Variants in LRWD1 observed in about 807,000 individuals in gnomAD.
The protein encoded by LRWD1 is leucine-rich repeat and WD repeat-containing protein 1.
A neutral mutation model predicts 75.6 loss-of-function variants in LRWD1; 76 were observed. That is an observed-to-expected ratio of 1.01 (90% CI 0.84 to 1.22). The LOEUF (loss-of-function observed/expected upper bound fraction) is 1.22. Ranked by LOEUF, LRWD1 falls within the 50% of genes most tolerant of loss-of-function variation. LRWD1 has a pLI of 0.00. For missense variants in LRWD1, 917 were observed against 862.0 expected, an observed-to-expected ratio of 1.06 and a Z score of -0.80; for synonymous variants, 487 against 377.0, an observed-to-expected ratio of 1.29 and a Z score of -3.38.
intron 2 of LRWD1, 34 bp downstream of exon 2, chr7:102,466,085 G>A (rs775766555): frequency 6.2e-7 from 1 of 1,613,038 alleles, no homozygotes. Flanking sequence ...TTCATACCTG[G>A]GGCCAGGACT....
chr7:102,473,146 T>TTAAACTCTACTGTGGACAAGAAGC, exon 15 of LRWD1: 2 of 1,355,008 alleles, frequency 1.5e-6, no homozygotes, highest in Non-Finnish European at 2.0e-6. Flanking sequence ...AATATTTTTA[T>TTAAACTCTACTGTGGACAAGAAGC]TAAACTCTAC....
chr7:102,470,240 G>A (rs1176256724), intron 11 of LRWD1: 14 of 206,620 alleles, frequency 6.8e-5, no homozygotes, highest in African/African-American at 1.6e-4. Context: ...GATGGCTAGC[G>A]GAGGGCAGGT....
rs752638562 is a variant in LRWD1 at position 102,468,030 on chromosome 7, A to G, written c.679-32A>G. ...TGGGGAGGAAGGAAGCCCCAGGCAGACAGGCCCATGGTCACAAGGCCCCCT... is the reference window on the plus strand; with the variant it reads ...TGGGGAGGAAGGAAGCCCCAGGCAGGCAGGCCCATGGTCACAAGGCCCCCT... On this transcript the variant is annotated intron_variant, in intron 5 of 14. Coordinates refer to ENST00000292616, the MANE Select transcript of LRWD1 (RefSeq NM_152892.3). The G allele has an allele frequency of 1.8e-5, 29 of 1,597,096 alleles. No individual in the cohort carries two copies. The South Asian group carries it at 3.2e-4, about 18-fold the overall frequency.
At chr7:102,467,112 T>G (rs1386126837) in intron 3 of LRWD1, among the ~76,000 whole-genome samples, 1 of 84,486 alleles carries the variant, frequency 1.2e-5, no homozygotes, top group Non-Finnish European at 2.6e-5. Context: ...CCTGGGTTGT[T>G]GCTGGGGTGT....
chr7:102,466,589 TG>T (rs919931099), intron 3 of LRWD1, among the ~76,000 whole-genome samples: 4 of 151,898 alleles, frequency 2.6e-5, no homozygotes, highest in Non-Finnish European at 5.9e-5. Context: ...TAATTTTTTT[TG>T]TATTTTTAGT....
intron 9 of LRWD1, among the ~76,000 whole-genome samples, 156 bp from the exon 10 acceptor site, chr7:102,469,418 G>C (rs1209891114): frequency 6.6e-6 from 1 of 152,206 alleles, no homozygotes; most frequent in African/African-American, 2.4e-5. Context: ...AACAGGGATT[G>C]GGGGCCCAGG....
rs1319059363 is a variant in LRWD1 at position 102,467,116 on chromosome 7, GGGGT to G, written c.433-221_433-218del. Among the ~76,000 whole-genome samples the G allele has an allele frequency of 7.5e-5, 5 of 66,372 alleles. No individual in the cohort carries two copies. In the East Asian group the frequency reaches 3.5e-3, roughly 46 times the overall value. 43.5% of individuals were successfully genotyped at this position (66,372 alleles called of 152,430 possible). A position where few individuals can be genotyped will look rare whatever the true frequency, so the allele number is the denominator to read the frequency against. ...GTGTGTAGGCACCTGGGTTGTTGCT[GGGGT>G]GTGTGTGTGTGTGTGTGTAGGCACC... On this transcript the variant is annotated intron_variant, in intron 3 of 14. Transcript: ENST00000292616.
In LRWD1 at chr7:102,472,199, A is replaced by G. The variant is rs751175695; in HGVS notation, c.1443-19A>G. On this transcript the variant is annotated intron_variant, in intron 11 of 14. Transcript: ENST00000292616. ...TATCTGCAAGGAATGGCCAACTAGC[A>G]TCTCGTGCTGCCCCACAGGGTGTGT... The G allele has an allele frequency of 1.3e-6, 2 of 1,574,664 alleles. No homozygotes were observed. Among genetic ancestry groups the G allele is most frequent in the Admixed American group, 3.7e-5 (2 of 54,610 alleles).
rs1159503607 is a variant in LRWD1, at chr7:102,467,756, G to A, written c.611G>A (p.Arg204Lys). The change falls in exon 5 of 15, where the codon AGG becomes AAG. Residue 204 changes from arginine (R) to lysine (K), a missense_variant. Physicochemically the swap from Arg to Lys is conservative, Grantham distance 26. Coordinates refer to ENST00000292616, the MANE Select transcript of LRWD1 (RefSeq NM_152892.3). ...TCTGAGGAGCTGGTGGCCGCCAGTA[G>A]GACCCAGGTGCAAAAGGCTAACAGC... is the stretch of plus-strand genomic sequence containing the variant. Reference protein sequence around the residue: ...MISEELVAASRTQVQKANSPE... With the variant: ...MISEELVAASKTQVQKANSPE... 1.9e-6 allele frequency: 3 copies of A among 1,551,868 alleles called. No individual in the cohort carries two copies. The African/African-American group carries it at 4.1e-5, about 21-fold the overall frequency.
chr7:102,472,422 C>T (rs1393552013), intron 12 of LRWD1, 32 bp from the exon 13 acceptor site: 2 of 1,542,856 alleles, frequency 1.3e-6, no homozygotes, highest in Non-Finnish European at 1.8e-6. Flanking sequence ...TGGGAGGGGC[C>T]ACCCTGCACA....
At chr7:102,469,193 A>C in intron 9 of LRWD1, 131 bp downstream of exon 9, 2 of 779,328 alleles carry the variant, frequency 2.6e-6, no homozygotes, top group South Asian at 1.9e-5. Flanking sequence ...CACCGCTCCG[A>C]CTCTAGCTTT....
intron 11 of LRWD1, chr7:102,471,928 C>T: frequency 2.5e-6 from 1 of 397,696 alleles, no homozygotes; most frequent in South Asian, 2.3e-5. Flanking sequence ...GTCCCAGAGG[C>T]ACTGGCTCGC....
In LRWD1 at chr7:102,472,617, T is replaced by C. The variant is rs1395772002; in HGVS notation, c.1690+8T>C. 3 of 1,609,206 alleles carry C rather than the reference T, an allele frequency of 1.9e-6. No homozygotes were observed. Among genetic ancestry groups the C allele is most frequent in the Middle Eastern group, 3.3e-4 (2 of 6,046 alleles). ...CGCTCAGCGCCTGCCCTGGTGAGCC[T>C]GCCCCCCTGCCCGCCCCATCCCGCG... On this transcript the variant is annotated splice_region_variant and intron_variant, in intron 13 of 14. Transcript: ENST00000292616.
chr7:102,465,680 A>T, intron 1 of LRWD1, 137 bp from the exon 2 acceptor site: 1 of 655,392 alleles, frequency 1.5e-6, no homozygotes, highest in Non-Finnish European at 2.7e-6. Context: ...TCTAAAAATA[A>T]AGTAACGGGG....
Position 102,465,826 on chromosome 7 carries a change from AT to A in LRWD1, c.92del (p.Leu31TrpfsTer16). ...GKIRSLDLSG[L>X]ELLSEHLDPK... Reference sequence around the variant, plus strand: ...CTGCCCCCAACTCCAGCCTGTCAGGATTGGAGCTGCTTTCCGAGCACCTGGA... The same window carrying A: ...CTGCCCCCAACTCCAGCCTGTCAGGATGGAGCTGCTTTCCGAGCACCTGGA... On this transcript the variant is annotated frameshift_variant, in exon 2 of 15. Coordinates refer to ENST00000292616, the MANE Select transcript of LRWD1 (RefSeq NM_152892.3). LOFTEE classifies it high-confidence loss of function. 1.9e-6 allele frequency: 3 copies of A among 1,612,340 alleles called. No homozygotes were observed. In the South Asian group the frequency reaches 3.3e-5, roughly 18 times the overall value.
Position 102,473,117 on chromosome 7 carries a change from G to GGT in LRWD1, c.*69_*70insTG. 1 of 150,618 alleles carries GGT rather than the reference G, an allele frequency of 6.6e-6. No homozygotes were observed. Among genetic ancestry groups the GGT allele is most frequent in the East Asian group, 8.4e-5 (1 of 11,934 alleles). The allele number at this position is 150,618 out of a possible 1,614,324, so 9.3% of individuals were successfully genotyped here. A position where few individuals can be genotyped will look rare whatever the true frequency, so the allele number is the denominator to read the frequency against. On this transcript the variant is annotated 3_prime_UTR_variant, in exon 15 of 15. Coordinates refer to ENST00000292616, the MANE Select transcript of LRWD1 (RefSeq NM_152892.3). Reference sequence around the variant, plus strand: ...TATTCAGCTTTGGGCCGATGGGGGTGGGGGGGGGTCTTTCAGTGAATATTT... The same window carrying GGT: ...TATTCAGCTTTGGGCCGATGGGGGTGGTGGGGGGGGTCTTTCAGTGAATATTT...
rs1783597816 is a variant in LRWD1 at position 102,468,945 on chromosome 7, C to CG, written c.1115dup (p.Leu373ProfsTer42). 3.7e-6 allele frequency: 6 copies of CG among 1,612,744 alleles called. No homozygotes were observed. The highest frequency in any genetic ancestry group is 5.1e-6 in the Non-Finnish European group (6 of 1,179,928). ...GAGTGTGCTGGCGGCTGCAGGCCTACGGGGCCTGGTCCGGCTGCTGCACGT... is the reference window on the plus strand; with the variant it reads ...GAGTGTGCTGGCGGCTGCAGGCCTACGGGGGCCTGGTCCGGCTGCTGCACGT... On this transcript the variant is annotated frameshift_variant, in exon 9 of 15. Coordinates refer to ENST00000292616, the MANE Select transcript of LRWD1 (RefSeq NM_152892.3). LOFTEE classifies it high-confidence loss of function.
chr7:102,472,510 G>T lies in LRWD1; in HGVS notation c.1591G>T (p.Gly531Trp), dbSNP rs775426091. 5.8e-6 allele frequency: 9 copies of T among 1,555,848 alleles called. No homozygotes were observed. The South Asian group carries it at 1.1e-4, about 18-fold the overall frequency. Residue 531 changes from glycine to tryptophan, a missense_variant, in exon 13 of 15, where the codon GGG becomes TGG. Transcript: ENST00000292616. ...CCTGTGGAGCTGGAGGCAGACGTGG[G>T]GGGGCCGGGGCAGCCAGTCCACGGT... is the stretch of plus-strand genomic sequence containing the variant. ...ICLWSWRQTWGGRGSQSTVAV... is the reference protein window; with the variant it reads ...ICLWSWRQTWWGRGSQSTVAV...
chr7:102,472,003 G>A, intron 11 of LRWD1: 3 of 552,818 alleles, frequency 5.4e-6, no homozygotes, highest in Non-Finnish European at 9.8e-6. Context: ...CGTGCCTCTG[G>A]GTCACTACTG....
Sources: gnomAD v4.1 joint callset for allele counts (sites outside exome capture counted in the v4.1 genomes callset) on GRCh38, gnomAD v4.1.1 for gene constraint, MANE v1.5 for transcripts, NCBI Gene and HGNC (gene_info 2026-07-23, HGNC 2026-07-21) for gene names.